Variants in PDSS1 observed in about 807,000 individuals in gnomAD.
PDSS1 encodes the protein all trans-polyprenyl-diphosphate synthase PDSS1.
In PDSS1, 43 loss-of-function variants were observed where a neutral mutation model predicts 57.5. The observed-to-expected ratio is 0.75, with a 90% CI of 0.59 to 0.96. The LOEUF is 0.96. Among genes scored for constraint, PDSS1 ranks in the 50% least tolerant of loss-of-function variants. The pLI is 0.00. For missense variants in PDSS1, 438 were observed against 527.8 expected (o/e 0.83, Z 1.67); for synonymous variants, 175 against 191.3 (o/e 0.91, Z 0.70).
At chr10:26,714,496 G>A (rs1331952983) in intron 5 of PDSS1, 2 of 151,336 alleles carry the variant, frequency 1.3e-5, no homozygotes, top group Admixed American at 1.3e-4. Flanking sequence ...AAGAAAAAGA[G>A]CTTTATGATA....
In PDSS1 at chr10:26,746,460, C is replaced by A. The variant is rs999754695; in HGVS notation, c.1235C>A (p.Thr412Lys). 6.2e-7 allele frequency: 1 copy of A among 1,614,004 alleles called. No homozygotes were observed. Among genetic ancestry groups the A allele is most frequent in the African/African-American group, 1.3e-5 (1 of 74,938 alleles). Residue 412 changes from threonine to lysine, a missense_variant, in exon 12 of 12, where the codon ACA (threonine) becomes AAA (lysine). Coordinates refer to ENST00000376215, the MANE Select transcript of PDSS1 (RefSeq NM_014317.5). ...ALIQLSEIVL[T>K]RDK ...ATTCAGCTTTCAGAAATTGTACTCA[C>A]AAGAGATAAATGACAACTCTTTCTG...
At chr10:26,737,892 T>C (rs756878604) in intron 10 of PDSS1, among the ~76,000 whole-genome samples, 11 of 152,236 alleles carry the variant, frequency 7.2e-5, no homozygotes, top group Non-Finnish European at 1.3e-4. Flanking sequence ...CATCTGCCCA[T>C]AAGGCAGTGA....
chr10:26,728,122 G>A (rs763837171), intron 8 of PDSS1, among the ~76,000 whole-genome samples: 5 of 152,118 alleles, frequency 3.3e-5, no homozygotes, highest in Non-Finnish European at 5.9e-5. Flanking sequence ...TTGGAAGGCC[G>A]AGGTGGGCAG....
intron 5 of PDSS1, 165 bp from the exon 6 acceptor site, chr10:26,720,053 T>G: frequency 1.1e-6 from 1 of 924,620 alleles, no homozygotes; most frequent in Non-Finnish European, 1.6e-6. Flanking sequence ...CTCATACATT[T>G]GTAAATGTAT....
chr10:26,701,089 T>TG (rs1280300248), intron 1 of PDSS1, among the ~76,000 whole-genome samples: 3 of 152,234 alleles, frequency 2.0e-5, no homozygotes, highest in Non-Finnish European at 4.4e-5. Flanking sequence ...AGGTCACTCT[T>TG]GCTATGCTTT....
chr10:26,710,801 G>C lies in PDSS1; in HGVS notation c.467+1033G>C, dbSNP rs971015993. On this transcript the variant is annotated intron_variant, in intron 5 of 11. Transcript: ENST00000376215. ...CCTGGGATTACTGACACCTGAGGGA[G>C]GGGGAGAGGATACAGGACTGGGTAG... Among the ~76,000 whole-genome samples the C allele has an allele frequency of 5.0e-5, 5 of 99,228 alleles. 2 individuals are homozygous for C. Among genetic ancestry groups the C allele is most frequent in the Non-Finnish European group, 9.4e-5 (4 of 42,648 alleles). The allele number at this position is 99,228 out of a possible 152,430, so 65.1% of individuals were successfully genotyped here.
chr10:26,734,605 G>A (rs935077590), intron 8 of PDSS1: 7 of 447,132 alleles, frequency 1.6e-5, no homozygotes, highest in South Asian at 3.1e-5. Flanking sequence ...AGAGAAATGT[G>A]GAAACAGTGG....
chr10:26,712,001 C>CTTTTTTTTTTT (rs543847648), intron 5 of PDSS1, among the ~76,000 whole-genome samples: 2 of 61,920 alleles, frequency 3.2e-5, no homozygotes, highest in African/African-American at 9.6e-5. Flanking sequence ...TTTTCTTTTT[C>CTTTTTTTTTTT]TTTTTTTTTT....
chr10:26,736,727 C>A (rs1233628034), intron 10 of PDSS1, among the ~76,000 whole-genome samples: 2 of 152,098 alleles, frequency 1.3e-5, no homozygotes, highest in African/African-American at 4.8e-5. Flanking sequence ...GGTAGGAACA[C>A]CCACCCTCAT....
In PDSS1 at chr10:26,713,109, G is replaced by A. The variant is rs1217083066; in HGVS notation, c.467+3341G>A. On this transcript the variant is annotated intron_variant, in intron 5 of 11. Coordinates refer to ENST00000376215, the MANE Select transcript of PDSS1 (RefSeq NM_014317.5). ...AGATCAAGACCATCCTGGCTAACACGGTGAAACCCTGTCTCTACTAAAAAT... is the reference window on the plus strand; with the variant it reads ...AGATCAAGACCATCCTGGCTAACACAGTGAAACCCTGTCTCTACTAAAAAT... Among the ~76,000 whole-genome samples, 8 of 96,228 alleles carry A rather than the reference G, an allele frequency of 8.3e-5. 2 individuals are homozygous for A. Among genetic ancestry groups the A allele is most frequent in the Non-Finnish European group, 1.9e-4 (8 of 41,880 alleles). 63.1% of individuals were successfully genotyped at this position (96,228 alleles called of 152,430 possible). A position where few individuals can be genotyped will look rare whatever the true frequency, so the allele number is the denominator to read the frequency against.
chr10:26,705,144 C>A (rs1049974800), intron 3 of PDSS1, 142 bp from the exon 4 acceptor site: 6 of 662,514 alleles, frequency 9.1e-6, no homozygotes, highest in Non-Finnish European at 1.4e-5. Flanking sequence ...GTATGTTTTT[C>A]CAAATTATAA....
intron 10 of PDSS1, among the ~76,000 whole-genome samples, chr10:26,735,835 C>T (rs113382183): frequency 3.9e-5 from 6 of 152,254 alleles, no homozygotes; most frequent in African/African-American, 1.4e-4. Flanking sequence ...AGCTAAGATC[C>T]TATTTGAGAT....
At chr10:26,709,980 G>A (rs993516108) in intron 5 of PDSS1, among the ~76,000 whole-genome samples, 4 of 151,778 alleles carry the variant, frequency 2.6e-5, no homozygotes, top group Non-Finnish European at 4.4e-5. Flanking sequence ...GTGAGACCCC[G>A]TCTCTACTAA....
At chr10:26,744,885 C>T (rs72792185) in intron 11 of PDSS1, among the ~76,000 whole-genome samples, 6,064 of 151,814 alleles carry the variant, frequency 0.04, 163 homozygotes, top group Non-Finnish European at 0.059. Flanking sequence ...CAGAGGGGTC[C>T]GGGCGCAGTG....
At chr10:26,698,570 T>C (rs1834950707) in intron 1 of PDSS1, among the ~76,000 whole-genome samples, 1 of 152,238 alleles carries the variant, frequency 6.6e-6, no homozygotes, top group South Asian at 2.1e-4. Context: ...TTAGCCCCTG[T>C]AAATGGACAC....
intron 8 of PDSS1, among the ~76,000 whole-genome samples, chr10:26,733,792 G>A (rs1836294772): frequency 6.6e-6 from 1 of 152,026 alleles, no homozygotes; most frequent in African/African-American, 2.4e-5. Context: ...TAGACAACAT[G>A]GTGAGACTCC....
intron 5 of PDSS1, among the ~76,000 whole-genome samples, chr10:26,716,899 A>G (rs1835601447): frequency 1.3e-5 from 2 of 152,202 alleles, no homozygotes; most frequent in African/African-American, 4.8e-5. Flanking sequence ...AGTAGGAAAT[A>G]GAAATGGTGC....
intron 1 of PDSS1, among the ~76,000 whole-genome samples, chr10:26,699,455 C>T (rs68159164): frequency 0.3 from 45,262 of 149,374 alleles, 7,279 homozygotes; most frequent in East Asian, 0.48. Context: ...AGTGCAGTGG[C>T]GGAATCTCGG....
chr10:26,724,133 TTCTG>T lies in PDSS1; in HGVS notation c.831+14_831+17del. 2 of 1,556,508 alleles carry T rather than the reference TTCTG, an allele frequency of 1.3e-6. No individual in the cohort carries two copies. The highest frequency in any genetic ancestry group is 1.8e-6 in the Non-Finnish European group (2 of 1,127,438). On this transcript the variant is annotated intron_variant, in intron 8 of 11. Coordinates refer to ENST00000376215, the MANE Select transcript of PDSS1 (RefSeq NM_014317.5). Reference sequence around the variant, plus strand: ...CAACAGTTGTAAAGCAGTATGTACGTTCTGTCTTTCTTCAAGTTAAAGCCTCATA... The same window carrying T: ...CAACAGTTGTAAAGCAGTATGTACGTTCTTTCTTCAAGTTAAAGCCTCATA...
Sources: allele counts gnomAD v4.1 joint callset (sites outside exome capture counted in the v4.1 genomes callset), GRCh38; gene constraint gnomAD v4.1.1; transcripts MANE v1.5; gene names NCBI Gene and HGNC (gene_info 2026-07-23, HGNC 2026-07-21).